Variants in MAMDC2 observed in about 807,000 individuals in gnomAD.
MAMDC2 encodes the protein MAM domain-containing protein 2.
Under a neutral mutation model 89.8 loss-of-function variants are expected in MAMDC2, and 57 were observed. The observed-to-expected ratio is 0.63, with a 90% confidence interval of 0.51 to 0.79. The LOEUF (loss-of-function observed/expected upper bound fraction) is 0.79. Among genes scored for constraint, MAMDC2 ranks in the 30% least tolerant of loss-of-function variants. The pLI, the probability that MAMDC2 is intolerant of heterozygous loss-of-function variation, is 0.00. For missense variants in MAMDC2, 800 were observed against 820.6 expected (o/e 0.97, Z 0.31); for synonymous variants, 313 against 293.4 (o/e 1.07, Z -0.68).
At chr9:70,117,253 A>G (rs1587486071) in intron 5 of MAMDC2, among the ~76,000 whole-genome samples, 1 of 152,350 alleles carries the variant, frequency 6.6e-6, no homozygotes, top group East Asian at 1.9e-4. Context: ...TTCTGGATAG[A>G]GAAAATATGG....
intron 11 of MAMDC2, among the ~76,000 whole-genome samples, chr9:70,215,421 G>C (rs2033426750): frequency 6.6e-6 from 1 of 152,180 alleles, no homozygotes; most frequent in Non-Finnish European, 1.5e-5. Context: ...CATGCATCTG[G>C]ATGAAACTAC....
intron 2 of MAMDC2, among the ~76,000 whole-genome samples, chr9:70,104,831 GGGTTATGGTGA>G (rs1828290326): frequency 6.6e-6 from 1 of 152,088 alleles, no homozygotes; most frequent in East Asian, 1.9e-4. Context: ...TTTCCTTTTG[GGGTTATGGTGA>G]AAATGTTCTG....
intron 2 of MAMDC2, among the ~76,000 whole-genome samples, chr9:70,099,401 A>C (rs1308751841): frequency 6.6e-6 from 1 of 152,222 alleles, no homozygotes; most frequent in East Asian, 1.9e-4. Context: ...CACTCCTTCA[A>C]AATGTAAGCT....
At chr9:70,091,259 GT>G (rs1827895186) in intron 2 of MAMDC2, among the ~76,000 whole-genome samples, 1 of 152,130 alleles carries the variant, frequency 6.6e-6, no homozygotes, top group Admixed American at 6.6e-5. Context: ...CATTTGTGTG[GT>G]TTTTGCCACC....
chr9:70,178,927 C>G (rs1187464393), intron 11 of MAMDC2, among the ~76,000 whole-genome samples: 1 of 152,016 alleles, frequency 6.6e-6, no homozygotes, highest in East Asian at 1.9e-4. Flanking sequence ...TGGCAGCTTT[C>G]GAAGAACTGT....
intron 11 of MAMDC2, among the ~76,000 whole-genome samples, chr9:70,175,321 G>C (rs1587544666): frequency 1.3e-5 from 2 of 152,244 alleles, no homozygotes; most frequent in East Asian, 1.9e-4. Context: ...GTGATAAGTG[G>C]TCAAATCCTG....
intron 11 of MAMDC2, among the ~76,000 whole-genome samples, chr9:70,189,817 C>T (rs914436402): frequency 6.6e-6 from 1 of 151,840 alleles, no homozygotes; most frequent in Non-Finnish European, 1.5e-5. Context: ...TGGATAATCT[C>T]ATTGACCTGC....
intron 9 of MAMDC2, among the ~76,000 whole-genome samples, chr9:70,167,466 A>G (rs2032208492): frequency 6.6e-6 from 1 of 150,600 alleles, no homozygotes; most frequent in Non-Finnish European, 1.5e-5. Context: ...AAAAAAATCA[A>G]GTGTTCTCAT....
chr9:70,155,526 A>G (rs566353540), intron 9 of MAMDC2, among the ~76,000 whole-genome samples: 1 of 152,304 alleles, frequency 6.6e-6, no homozygotes, highest in African/African-American at 2.4e-5. Context: ...CCTCTCTCGT[A>G]AATCTTCAAT....
At chr9:70,111,032 G>A (rs1418539591) in intron 4 of MAMDC2, among the ~76,000 whole-genome samples, 1 of 152,182 alleles carries the variant, frequency 6.6e-6, no homozygotes, top group East Asian at 1.9e-4. Context: ...TATCTCTAGG[G>A]CAAGTGAAAG....
chr9:70,176,417 C>T lies in MAMDC2; in HGVS notation c.1651+5786C>T, dbSNP rs150376813. Among the ~76,000 whole-genome samples the T allele has an allele frequency of 9.6e-4, 146 of 152,208 alleles. 1 individual carries two copies. The highest frequency in any genetic ancestry group is 6.0e-3 in the East Asian group (31 of 5,182). ...ACTTTGAAAGATGCTTCAGCTGCCTCGGGTTATACTTCATAGCAAAAATAG... is the reference window on the plus strand; with the variant it reads ...ACTTTGAAAGATGCTTCAGCTGCCTTGGGTTATACTTCATAGCAAAAATAG... On this transcript the variant is annotated intron_variant, in intron 11 of 13. Coordinates refer to ENST00000377182, the MANE Select transcript of MAMDC2 (RefSeq NM_153267.5).
chr9:70,059,152 C>T (rs539036342), intron 2 of MAMDC2, among the ~76,000 whole-genome samples: 8 of 152,130 alleles, frequency 5.3e-5, no homozygotes, highest in South Asian at 2.1e-4. Context: ...AAACGGGTAG[C>T]GAGGTGAAGC....
rs4744994 is a variant in MAMDC2, at chr9:70,226,444, A to T, written c.*412A>T. The T allele has an allele frequency of 0.77, 118,020 of 152,856 alleles. 45,773 individuals carry two copies. Among genetic ancestry groups the T allele is most frequent in the Admixed American group, 0.82 (12,530 of 15,292 alleles). 9.5% of individuals were successfully genotyped at this position (152,856 alleles called of 1,614,324 possible). ...AATTTTAAGTATCATAAATATTTTT[A>T]AAGTAAATAATACGGGGTGTCAGTA... On this transcript the variant is annotated 3_prime_UTR_variant, in exon 14 of 14. Coordinates refer to ENST00000377182, the MANE Select transcript of MAMDC2 (RefSeq NM_153267.5).
Position 70,130,008 on chromosome 9 carries a change from C to CTGTGTGTGTG in MAMDC2, c.901-1482_901-1473dup, listed in dbSNP as rs71364580. 5.5e-3 allele frequency among the ~76,000 whole-genome samples: 813 copies of CTGTGTGTGTG among 147,184 alleles called. 8 individuals are homozygous for CTGTGTGTGTG. The highest frequency in any genetic ancestry group is 0.014 in the African/African-American group (543 of 39,316). On this transcript the variant is annotated intron_variant, in intron 6 of 13. Coordinates refer to ENST00000377182, the MANE Select transcript of MAMDC2 (RefSeq NM_153267.5). ...TCTGCCTTCATTTTCACATGGCATTCTGTGTGTGTGTGTGTGTGTGTGTGT... is the reference window on the plus strand; with the variant it reads ...TCTGCCTTCATTTTCACATGGCATTCTGTGTGTGTGTGTGTGTGTGTGTGTGTGTGTGTGT...
chr9:70,217,459 G>A (rs2033470710), intron 11 of MAMDC2: 3 of 1,407,832 alleles, frequency 2.1e-6, no homozygotes, highest in Non-Finnish European at 2.0e-6. Flanking sequence ...ATCTCTTGCT[G>A]ATATAATGGC....
At chr9:70,078,589 G>T (rs1188391420) in intron 2 of MAMDC2, among the ~76,000 whole-genome samples, 1 of 152,158 alleles carries the variant, frequency 6.6e-6, no homozygotes, top group Non-Finnish European at 1.5e-5. Flanking sequence ...TATATACATT[G>T]TTAAGGTATA....
At chr9:70,183,059 A>G (rs1462456020) in intron 11 of MAMDC2, among the ~76,000 whole-genome samples, 1 of 152,040 alleles carries the variant, frequency 6.6e-6, no homozygotes, top group East Asian at 1.9e-4. Flanking sequence ...CTTTGTTCTC[A>G]TTGGTTTCAA....
chr9:70,082,351 T>C (rs1488801267), intron 2 of MAMDC2, among the ~76,000 whole-genome samples: 1 of 152,186 alleles, frequency 6.6e-6, no homozygotes, highest in Non-Finnish European at 1.5e-5. Context: ...GAAATCTCTA[T>C]GAATTATAGT....
intron 11 of MAMDC2, among the ~76,000 whole-genome samples, chr9:70,192,729 T>C (rs2032906170): frequency 6.6e-6 from 1 of 151,472 alleles, no homozygotes; most frequent in African/African-American, 2.4e-5. Context: ...GCAGGCTTGA[T>C]TCAGTACCAT....
Sources: allele counts gnomAD v4.1 joint callset (sites outside exome capture counted in the v4.1 genomes callset), GRCh38; gene constraint gnomAD v4.1.1; transcripts MANE v1.5; gene names NCBI Gene and HGNC (gene_info 2026-07-23, HGNC 2026-07-21).